Variants in GPR142 observed in about 807,000 individuals in gnomAD.
GPR142 encodes the protein G protein-coupled receptor 142.
GPR142 carries 9 observed loss-of-function variants against 10.6 expected under a neutral mutation model. That is an observed-to-expected ratio of 0.85 (90% CI 0.51 to 1.48). The LOEUF is 1.48. Ranked by LOEUF, GPR142 falls within the 40% of genes most tolerant of loss-of-function variation. The pLI is 0.00. For missense variants in GPR142, 482 were observed against 506.0 expected (o/e 0.95, Z 0.45); for synonymous variants, 202 against 221.2 (o/e 0.91, Z 0.77).
At chr17:74,368,971 C>A (rs2055003286) in intron 1 of GPR142, among the ~76,000 whole-genome samples, 1 of 152,120 alleles carries the variant, frequency 6.6e-6, no homozygotes, top group South Asian at 2.1e-4. Context: ...CCCTGTGCAC[C>A]TGGTCCCCTG....
In GPR142 at chr17:74,371,728, G is replaced by A. The variant is rs1213495029; in HGVS notation, c.254-1G>A. On this transcript the variant is annotated splice_acceptor_variant, in intron 3 of 3. Coordinates refer to ENST00000582579, the MANE Select transcript of GPR142 (RefSeq NM_001331076.1). LOFTEE classifies it high-confidence loss of function. ...CCCTCCCTCACCTCGGCTGCCCTCA[G>A]TCAGCCTCCTGACCGCAGTGGCCCT... 6.3e-7 allele frequency: 1 copy of A among 1,593,298 alleles called. No individual in the cohort carries two copies. Among genetic ancestry groups the A allele is most frequent in the South Asian group, 1.1e-5 (1 of 90,644 alleles).
At chr17:74,368,809 C>T (rs1163790110) in intron 1 of GPR142, among the ~76,000 whole-genome samples, 1 of 152,186 alleles carries the variant, frequency 6.6e-6, no homozygotes, top group East Asian at 1.9e-4. Flanking sequence ...GCCAGGGAAA[C>T]AACAGCTTGC....
intron 1 of GPR142, 147 bp from the exon 2 acceptor site, chr17:74,369,321 C>G (rs1029409538): frequency 3.6e-5 from 24 of 665,730 alleles, no homozygotes; most frequent in Non-Finnish European, 7.6e-6. Context: ...AAGCTGAAGC[C>G]CCTGCCCAGC....
intron 3 of GPR142, 140 bp from the exon 4 acceptor site, chr17:74,371,589 A>G: frequency 1.1e-6 from 1 of 914,858 alleles, no homozygotes; most frequent in Non-Finnish European, 1.6e-6. Flanking sequence ...GGGGTTTCAG[A>G]AGGATCTGGA....
chr17:74,369,670 T>C, intron 2 of GPR142, 36 bp downstream of exon 2: 2 of 1,526,160 alleles, frequency 1.3e-6, no homozygotes, highest in Non-Finnish European at 1.8e-6. Flanking sequence ...CTGGGGGCAA[T>C]AAGGTGGAAA....
chr17:74,368,478 A>T (rs868119210), intron 1 of GPR142, among the ~76,000 whole-genome samples: 7 of 140,870 alleles, frequency 5.0e-5, no homozygotes, highest in Admixed American at 3.5e-4. Flanking sequence ...TGAGTATCCG[A>T]GGGGGGGTTG....
chr17:74,370,087 C>T (rs369977529), intron 2 of GPR142, among the ~76,000 whole-genome samples: 16 of 152,136 alleles, frequency 1.1e-4, no homozygotes, highest in East Asian at 5.8e-4. Context: ...TGGCATCACC[C>T]GGGTCGGAAT....
rs200891690 is a variant in GPR142, at chr17:74,371,841, C to T, written c.366C>T (p.Ile122=). The T allele has an allele frequency of 4.8e-5, 77 of 1,613,728 alleles. No homozygotes were observed. Among genetic ancestry groups the T allele is most frequent in the Non-Finnish European group, 6.0e-5 (71 of 1,180,022 alleles). ...CGGATATCATCATCCAGGTGGTCATCGTGTTCGCGGGCTTCCTCCTGCAGG... is the reference window on the plus strand; with the variant it reads ...CGGATATCATCATCCAGGTGGTCATTGTGTTCGCGGGCTTCCTCCTGCAGG... The part of the protein sequence containing the change: ...TASDIIIQVV[I]VFAGFLLQGA... Residue 122 remains isoleucine, a synonymous_variant, in exon 4 of 4, where the codon ATC becomes ATT. Coordinates refer to ENST00000582579, the MANE Select transcript of GPR142 (RefSeq NM_001331076.1).
At position 74,367,578 on chromosome 17, in the gene GPR142, G is replaced by A. The variant is rs1013705484; in HGVS notation, c.-290G>A. The A allele has an allele frequency of 3.1e-6, 5 of 1,614,188 alleles. No individual in the cohort carries two copies. In the South Asian group the frequency reaches 5.5e-5, roughly 18 times the overall value. ...CACTTCCCTGCAGGACATCACTGCT[G>A]TCCTGGGTACAGAAGCATATACTGA... On this transcript the variant is annotated 5_prime_UTR_variant, in exon 1 of 4. Transcript: ENST00000582579.
At position 74,368,484 on chromosome 17, in the gene GPR142, G is replaced by T. The variant is rs142774845; in HGVS notation, c.-74+690G>T. 2.7e-3 allele frequency among the ~76,000 whole-genome samples: 418 copies of T among 152,278 alleles called. 2 individuals carry two copies. Among genetic ancestry groups the T allele is most frequent in the East Asian group, 0.013 (69 of 5,172 alleles). Reference sequence around the variant, plus strand: ...CCTGCGCTGTGAGTATCCGAGGGGGGGTTGGGATGGGGAGTTCCAGGCTCT... The same window carrying T: ...CCTGCGCTGTGAGTATCCGAGGGGGTGTTGGGATGGGGAGTTCCAGGCTCT... On this transcript the variant is annotated intron_variant, in intron 1 of 3. Coordinates refer to ENST00000582579, the MANE Select transcript of GPR142 (RefSeq NM_001331076.1).
rs1230066284 is a variant in GPR142 at position 74,371,789 on chromosome 17, A to C, written c.314A>C (p.Tyr105Ser). 3.7e-6 allele frequency: 6 copies of C among 1,612,618 alleles called. No individual in the cohort carries two copies. Among genetic ancestry groups the C allele is most frequent in the Admixed American group, 3.3e-5 (2 of 59,984 alleles). ...RLATRTRRPSYYYLLALTASD... is the reference protein window; with the variant it reads ...RLATRTRRPSSYYLLALTASD... ...GCCACCAGGACCAGGAGGCCCTCCTACTACTACCTTCTGGCGCTCACAGCC... is the reference window on the plus strand; with the variant it reads ...GCCACCAGGACCAGGAGGCCCTCCTCCTACTACCTTCTGGCGCTCACAGCC... The change falls in exon 4 of 4, where the codon TAC (tyrosine) becomes TCC (serine). Residue 105 changes from tyrosine to serine, a missense_variant. Transcript: ENST00000582579.
Position 74,372,160 on chromosome 17 carries a change from C to A in GPR142, c.685C>A (p.His229Asn), listed in dbSNP as rs767933837. 6.2e-7 allele frequency: 1 copy of A among 1,614,144 alleles called. No individual in the cohort carries two copies. ...ACTGGACGAGGTCCTCAAGTGGGCT[C>A]ACTGTCTCACTGTCTATTTCATCCC... is the stretch of plus-strand genomic sequence containing the variant. ...RTLDEVLKWAHCLTVYFIPCG... is the reference protein window; with the variant it reads ...RTLDEVLKWANCLTVYFIPCG... Residue 229 changes from histidine (H) to asparagine (N), a missense_variant, in exon 4 of 4, where the codon CAC becomes AAC. By Grantham distance (68) the His-to-Asn change is moderately conservative. Coordinates refer to ENST00000582579, the MANE Select transcript of GPR142 (RefSeq NM_001331076.1).
chr17:74,372,484 G>C lies in GPR142; in HGVS notation c.1009G>C (p.Val337Leu). 6.2e-7 allele frequency: 1 copy of C among 1,613,788 alleles called. No homozygotes were observed. The change falls in exon 4 of 4, where the codon GTC becomes CTC. Residue 337 changes from valine (V) to leucine (L), a missense_variant. Physicochemically the swap from Val to Leu is conservative, Grantham distance 32 (BLOSUM62 1). Coordinates refer to ENST00000582579, the MANE Select transcript of GPR142 (RefSeq NM_001331076.1). ...CFVSKTFRAT[V>L]RQVIHDAYLP... The stretch of plus-strand genomic sequence containing the variant: ...TGTCAGCAAGACTTTCCGGGCCACT[G>C]TCCGACAGGTCATCCACGATGCCTA...
Position 74,369,565 on chromosome 17 carries a change from C to T in GPR142, c.25C>T (p.Pro9Ser), listed in dbSNP as rs887740481. MLTGSCGD[P>S]QKKPQVTQDS... ...GATGCTGACAGGGAGCTGCGGGGAC[C>T]CTCAGAAAAAGCCACAGGTGACCCA... Residue 9 changes from proline (P) to serine (S), a missense_variant, in exon 2 of 4, where the codon CCT becomes TCT. By Grantham distance (74) the Pro-to-Ser change is moderately conservative. Coordinates refer to ENST00000582579, the MANE Select transcript of GPR142 (RefSeq NM_001331076.1). 2 of 1,552,838 alleles carry T rather than the reference C, an allele frequency of 1.3e-6. No homozygotes were observed. Among genetic ancestry groups the T allele is most frequent in the Non-Finnish European group, 8.7e-7 (1 of 1,147,650 alleles).
At chr17:74,368,604 C>A (rs1476203086) in intron 1 of GPR142, among the ~76,000 whole-genome samples, 1 of 152,174 alleles carries the variant, frequency 6.6e-6, no homozygotes, top group Non-Finnish European at 1.5e-5. Flanking sequence ...GGAGGTGATT[C>A]CAGGGGGGCC....
chr17:74,372,293 G>C lies in GPR142; in HGVS notation c.818G>C (p.Gly273Ala). ...RVGKSTAILL[G>A]ITTLFTLLWA... ...GGCAAGAGCACAGCCATCCTCCTGGGCATCACCACACTGTTCACCCTCCTG... is the reference window on the plus strand; with the variant it reads ...GGCAAGAGCACAGCCATCCTCCTGGCCATCACCACACTGTTCACCCTCCTG... The change falls in exon 4 of 4, where the codon GGC (glycine) becomes GCC (alanine). Residue 273 changes from glycine to alanine, a missense_variant. Coordinates refer to ENST00000582579, the MANE Select transcript of GPR142 (RefSeq NM_001331076.1). The C allele has an allele frequency of 6.2e-7, 1 of 1,613,798 alleles. No homozygotes were observed. Among genetic ancestry groups the C allele is most frequent in the Non-Finnish European group, 8.5e-7 (1 of 1,179,684 alleles).
chr17:74,371,310 C>G (rs1052246266), intron 3 of GPR142, among the ~76,000 whole-genome samples: 6 of 152,132 alleles, frequency 3.9e-5, no homozygotes, highest in Non-Finnish European at 8.8e-5. Context: ...GCATGCACCA[C>G]CGTGCCTGGC....
intron 1 of GPR142, among the ~76,000 whole-genome samples, chr17:74,369,055 C>A (rs1022084816): frequency 6.6e-6 from 1 of 152,176 alleles, no homozygotes; most frequent in African/African-American, 2.4e-5. Flanking sequence ...CAACTCCTCA[C>A]AGAGGTGCCC....
chr17:74,367,782 A>G lies in GPR142; in HGVS notation c.-86A>G, dbSNP rs746261177. On this transcript the variant is annotated 5_prime_UTR_variant, in exon 1 of 4. The change abolishes an upstream ATG in the 5' untranslated region. Transcript: ENST00000582579. ...AGCTGCCTCCCAGAACAGGCCTTCTATGGGGTGGGATGGTAAGTTGCTGGA... is the reference window on the plus strand; with the variant it reads ...AGCTGCCTCCCAGAACAGGCCTTCTGTGGGGTGGGATGGTAAGTTGCTGGA... The G allele has an allele frequency of 5.6e-6, 9 of 1,601,698 alleles. No homozygotes were observed. The highest frequency in any genetic ancestry group is 2.2e-5 in the East Asian group (1 of 44,698).
Sources: allele counts gnomAD v4.1 joint callset (sites outside exome capture counted in the v4.1 genomes callset), GRCh38; gene constraint gnomAD v4.1.1; transcripts MANE v1.5; gene names NCBI Gene and HGNC (gene_info 2026-07-23, HGNC 2026-07-21).